The following GPR151 variants were observed in gnomAD, a reference collection of about 807,000 sequenced individuals.
GPR151 encodes the protein G protein-coupled receptor 151, also known as G-protein coupled receptor PGR7.
A neutral mutation model predicts 18.2 loss-of-function variants in GPR151; 16 were observed. The ratio of observed to expected loss-of-function variants is 0.88; its 90% CI spans 0.60 to 1.34. GPR151 has a LOEUF of 1.34. Among genes scored for constraint, GPR151 ranks in the 40% most tolerant of loss-of-function variants. The pLI is 0.00. For synonymous variants in GPR151, 202 were observed against 191.2 expected, an observed-to-expected ratio of 1.06 and a Z score of -0.47; for missense variants, 509 against 504.3, an observed-to-expected ratio of 1.01 and a Z score of -0.09.
rs1196250955 is a variant in GPR151 at position 146,515,514 on chromosome 5, C to T, written c.600G>A (p.Ser200=). Residue 200 remains serine (S), a synonymous_variant, in exon 1 of 1, where the codon TCG becomes TCA. Transcript: ENST00000311104. ...DVPAVAEEFM[S]MFGKLYPLLA... ...GGAGTGGGTAGAGCTTACCAAACATCGACATAAACTCTTCAGCCACAGCTG... is the reference window on the plus strand; with the variant it reads ...GGAGTGGGTAGAGCTTACCAAACATTGACATAAACTCTTCAGCCACAGCTG... The T allele has an allele frequency of 4.3e-6, 7 of 1,614,022 alleles. No homozygotes were observed. The highest frequency in any genetic ancestry group is 2.2e-5 in the East Asian group (1 of 44,886).
At position 146,514,067 on chromosome 5, in the gene GPR151, A is replaced by AT. The variant is rs1428945632; in HGVS notation, c.*786dup. On this transcript the variant is annotated 3_prime_UTR_variant, in exon 1 of 1. Coordinates refer to ENST00000311104, the MANE Select transcript of GPR151 (RefSeq NM_194251.3). ...CACATTTTGGAAGTGAAGAGAGGAC[A>AT]TTTTTTTAAGTATTTTTTCCCCCAT... 1 of 132,744 alleles carries AT rather than the reference A, an allele frequency of 7.5e-6. No homozygotes were observed. The highest frequency in any genetic ancestry group is 2.5e-5 in the African/African-American group (1 of 40,050). 8.2% of individuals were successfully genotyped at this position (132,744 alleles called of 1,614,324 possible).
Position 146,515,252 on chromosome 5 carries a change from T to G in GPR151, c.862A>C (p.Ile288Leu). Residue 288 changes from isoleucine (I) to leucine (L), a missense_variant, in exon 1 of 1, where the codon ATA becomes CTA. Ile to Leu is a conservative substitution (Grantham distance 5, BLOSUM62 2). Transcript: ENST00000311104. ...AAGPAPPQGFIALSQVLMFSI... is the reference protein window; with the variant it reads ...AAGPAPPQGFLALSQVLMFSI... ...AACATCAAGACTTGAGACAGGGCTA[T>G]GAAACCTTGTGGTGGGGCCGGGCCT... 6.2e-7 allele frequency: 1 copy of G among 1,614,158 alleles called. No individual in the cohort carries two copies. The highest frequency in any genetic ancestry group is 8.5e-7 in the Non-Finnish European group (1 of 1,180,038).
rs959015671 is a variant in GPR151 at position 146,513,881 on chromosome 5, A to T, written c.*973T>A. ...AGTAGGGTTCAAGTTCAATGTTCTG[A>T]GTAAGGGTAAGTTTAGTACCATTAA... is the stretch of plus-strand genomic sequence containing the variant. On this transcript the variant is annotated 3_prime_UTR_variant, in exon 1 of 1. Transcript: ENST00000311104. 7 of 152,218 alleles carry T rather than the reference A, an allele frequency of 4.6e-5. No individual in the cohort carries two copies. The highest frequency in any genetic ancestry group is 6.5e-5 in the Admixed American group (1 of 15,286). The allele number at this position is 152,218 out of a possible 1,614,324, so 9.4% of individuals were successfully genotyped here.
chr5:146,514,986 C>T lies in GPR151; in HGVS notation c.1128G>A (p.Glu376=). 1 of 1,614,210 alleles carries T rather than the reference C, an allele frequency of 6.2e-7. No homozygotes were observed. Among genetic ancestry groups the T allele is most frequent in the Non-Finnish European group, 8.5e-7 (1 of 1,180,028 alleles). ...SSPSSGKGKT[E]KAEIPILPDV... ...CAGGAAGGATGGGAATCTCTGCCTT[C>T]TCAGTTTTCCCTTTGCCAGAGGAGG... The change falls in exon 1 of 1, where the codon GAG becomes GAA. Residue 376 remains glutamate, a synonymous_variant. Coordinates refer to ENST00000311104, the MANE Select transcript of GPR151 (RefSeq NM_194251.3).
Position 146,515,848 on chromosome 5 carries a change from A to T in GPR151, c.266T>A (p.Leu89Gln). 6.2e-7 allele frequency: 1 copy of T among 1,614,194 alleles called. No homozygotes were observed. The highest frequency in any genetic ancestry group is 8.5e-7 in the Non-Finnish European group (1 of 1,180,028). ...NLSLADLSLLLFSAPIRATAY... is the reference protein window; with the variant it reads ...NLSLADLSLLQFSAPIRATAY... ...CGTAGCTCGGATAGGTGCAGAAAAC[A>T]GCAGGAGGGAGAGATCAGCCAGGCT... is the stretch of plus-strand genomic sequence containing the variant. The change falls in exon 1 of 1, where the codon CTG becomes CAG. Residue 89 changes from leucine to glutamine, a missense_variant. Physicochemically the swap from Leu to Gln is moderately radical, Grantham distance 113. Transcript: ENST00000311104.
rs1356910436 is a variant in GPR151, at chr5:146,514,495, T to C, written c.*359A>G. 2 of 182,528 alleles carry C rather than the reference T, an allele frequency of 1.1e-5. No homozygotes were observed. The highest frequency in any genetic ancestry group is 2.3e-5 in the Non-Finnish European group (2 of 88,128). The allele number at this position is 182,528 out of a possible 1,614,324, so 11.3% of individuals were successfully genotyped here. A position where few individuals can be genotyped will look rare whatever the true frequency, so the allele number is the denominator to read the frequency against. The stretch of plus-strand genomic sequence containing the variant: ...GAAACTGAAGGTAAAGGGGCTCAGC[T>C]TTGACAGAACCTCTACTGCAGGCTC... On this transcript the variant is annotated 3_prime_UTR_variant, in exon 1 of 1. Coordinates refer to ENST00000311104, the MANE Select transcript of GPR151 (RefSeq NM_194251.3).
rs756942272 is a variant in GPR151 at position 146,515,420 on chromosome 5, G to C, written c.694C>G (p.Arg232Gly). 3.1e-6 allele frequency: 5 copies of C among 1,613,988 alleles called. No homozygotes were observed. In the African/African-American group the frequency reaches 6.7e-5, roughly 22 times the overall value. Residue 232 changes from arginine to glycine, a missense_variant, in exon 1 of 1, where the codon CGA (arginine) becomes GGA (glycine). Physicochemically the swap from Arg to Gly is moderately radical, Grantham distance 125. Transcript: ENST00000311104. ...FWRAYDQCKK[R>G]GTKTQNLRNQ... ...CTAAGATTTTGAGTCTTAGTTCCTC[G>C]TTTTTTACATTGGTCATAAGCTCTC...
rs1441541828 is a variant in GPR151, at chr5:146,515,368, G to A, written c.746C>T (p.Thr249Ile). Reference protein sequence around the residue: ...LRNQIRSKQVTVMLLSIAIIS... With the variant: ...LRNQIRSKQVIVMLLSIAIIS... ...GATGGCAATGCTCAGCAGCATCACT[G>A]TGACTTGCTTTGAGCGTATCTGGTT... Residue 249 changes from threonine to isoleucine, a missense_variant, in exon 1 of 1, where the codon ACA becomes ATA. By Grantham distance (89) the Thr-to-Ile change is moderately conservative. Coordinates refer to ENST00000311104, the MANE Select transcript of GPR151 (RefSeq NM_194251.3). 6.2e-7 allele frequency: 1 copy of A among 1,614,212 alleles called. No individual in the cohort carries two copies. Among genetic ancestry groups the A allele is most frequent in the East Asian group, 2.2e-5 (1 of 44,876 alleles).
rs759982727 is a variant in GPR151, at chr5:146,515,254, A to G, written c.860T>C (p.Phe287Ser). The change falls in exon 1 of 1, where the codon TTC (phenylalanine) becomes TCC (serine). Residue 287 changes from phenylalanine (F) to serine (S), a missense_variant. By Grantham distance (155) the Phe-to-Ser change is radical. Transcript: ENST00000311104. ...KAAGPAPPQG[F>S]IALSQVLMFS... ...CATCAAGACTTGAGACAGGGCTATG[A>G]AACCTTGTGGTGGGGCCGGGCCTGC... 6.2e-7 allele frequency: 1 copy of G among 1,614,198 alleles called. No individual in the cohort carries two copies. The highest frequency in any genetic ancestry group is 1.7e-5 in the Admixed American group (1 of 60,022).
At position 146,514,719 on chromosome 5, in the gene GPR151, G is replaced by C. The variant is rs1408209450; in HGVS notation, c.*135C>G. 7.9e-6 allele frequency: 5 copies of C among 636,180 alleles called. No homozygotes were observed. In the African/African-American group the frequency reaches 9.1e-5, roughly 12 times the overall value. The allele number at this position is 636,180 out of a possible 1,614,324, so 39.4% of individuals were successfully genotyped here. ...CTCTACTTACCACATTGCACATTTG[G>C]AAAGTGTAGATTGTGAAATATTTTT... On this transcript the variant is annotated 3_prime_UTR_variant, in exon 1 of 1. Transcript: ENST00000311104.
Position 146,515,581 on chromosome 5 carries a change from A to T in GPR151, c.533T>A (p.Ile178Asn), listed in dbSNP as rs1201705528. 1 of 1,614,042 alleles carries T rather than the reference A, an allele frequency of 6.2e-7. No individual in the cohort carries two copies. Among genetic ancestry groups the T allele is most frequent in the South Asian group, 1.1e-5 (1 of 91,076 alleles). The change falls in exon 1 of 1, where the codon ATC (isoleucine) becomes AAC (asparagine). Residue 178 changes from isoleucine (I) to asparagine (N), a missense_variant. Physicochemically the swap from Ile to Asn is moderately radical, Grantham distance 149. Transcript: ENST00000311104. ...CATTTCCACACCTTCATGATGCCTG[A>T]TGGTGCTAAAGAACCATTCCGGCAG... is the stretch of plus-strand genomic sequence containing the variant. The part of the protein sequence containing the change: ...LPLPEWFFST[I>N]RHHEGVEMCL...
Position 146,516,075 on chromosome 5 carries a change from G to A in GPR151, c.39C>T (p.Ser13=). 1.2e-6 allele frequency: 2 copies of A among 1,613,836 alleles called. No homozygotes were observed. The highest frequency in any genetic ancestry group is 2.2e-5 in the East Asian group (1 of 44,876). Residue 13 remains serine (S), a synonymous_variant, in exon 1 of 1, where the codon AGC becomes AGT. Coordinates refer to ENST00000311104, the MANE Select transcript of GPR151 (RefSeq NM_194251.3). ...GGAGGTGAGCAAAGGACACATTCAT[G>A]CTGCTGGAGTTAGAGTCTGCAAAGG... ...AAAFADSNSS[S]MNVSFAHLHF...
rs993434507 is a variant in GPR151 at position 146,514,973 on chromosome 5, G to A, written c.1141C>T (p.Pro381Ser). 9.3e-6 allele frequency: 15 copies of A among 1,614,146 alleles called. No homozygotes were observed. Among genetic ancestry groups the A allele is most frequent in the Admixed American group, 1.7e-5 (1 of 60,022 alleles). ...AACTGCTCTACGTCAGGAAGGATGGGAATCTCTGCCTTCTCAGTTTTCCCT... is the reference window on the plus strand; with the variant it reads ...AACTGCTCTACGTCAGGAAGGATGGAAATCTCTGCCTTCTCAGTTTTCCCT... Reference protein sequence around the residue: ...GKGKTEKAEIPILPDVEQFWH... With the variant: ...GKGKTEKAEISILPDVEQFWH... The change falls in exon 1 of 1, where the codon CCC becomes TCC. Residue 381 changes from proline (P) to serine (S), a missense_variant. By Grantham distance (74) the Pro-to-Ser change is moderately conservative. Coordinates refer to ENST00000311104, the MANE Select transcript of GPR151 (RefSeq NM_194251.3).
In GPR151 at chr5:146,516,012, G is replaced by C. The variant is rs769041020; in HGVS notation, c.102C>G (p.Asp34Glu). The C allele has an allele frequency of 9.3e-6, 15 of 1,613,970 alleles. No individual in the cohort carries two copies. The Admixed American group carries it at 2.3e-4, about 25-fold the overall frequency. Reference sequence around the variant, plus strand: ...AGAGAGCCGGGATGATGGTTCTCCAGTCCTGGGAATCAGAGGGCAGGTACC... The same window carrying C: ...AGAGAGCCGGGATGATGGTTCTCCACTCCTGGGAATCAGAGGGCAGGTACC... ...AGGYLPSDSQ[D>E]WRTIIPALLV... Residue 34 changes from aspartate (D) to glutamate (E), a missense_variant, in exon 1 of 1, where the codon GAC (aspartate) becomes GAG (glutamate). Physicochemically the swap from Asp to Glu is conservative, Grantham distance 45. Transcript: ENST00000311104.
In GPR151 at chr5:146,515,812, T is replaced by A. The variant is rs376414436; in HGVS notation, c.302A>T (p.Lys101Ile). Residue 101 changes from lysine (K) to isoleucine (I), a missense_variant, in exon 1 of 1, where the codon AAA becomes ATA. Physicochemically the swap from Lys to Ile is moderately radical, Grantham distance 102. Coordinates refer to ENST00000311104, the MANE Select transcript of GPR151 (RefSeq NM_194251.3). ...SAPIRATAYS[K>I]SVWDLGWFVC... ...AAACCAGCCTAGATCCCAAACACTT[T>A]TGGAGTACGCCGTAGCTCGGATAGG... 12 of 1,614,020 alleles carry A rather than the reference T, an allele frequency of 7.4e-6. No homozygotes were observed. Among genetic ancestry groups the A allele is most frequent in the Admixed American group, 6.7e-5 (4 of 59,984 alleles).
Position 146,513,997 on chromosome 5 carries a change from G to A in GPR151, c.*857C>T, listed in dbSNP as rs1289982030. On this transcript the variant is annotated 3_prime_UTR_variant, in exon 1 of 1. Coordinates refer to ENST00000311104, the MANE Select transcript of GPR151 (RefSeq NM_194251.3). The stretch of plus-strand genomic sequence containing the variant: ...CCATGGTTTATCTTGGGAGAAAGGA[G>A]ATATTAGGAGGAACACATTTCTGCT... The A allele has an allele frequency of 6.6e-6, 1 of 152,166 alleles. No homozygotes were observed. The highest frequency in any genetic ancestry group is 1.5e-5 in the Non-Finnish European group (1 of 68,018). 9.4% of individuals were successfully genotyped at this position (152,166 alleles called of 1,614,324 possible). A position where few individuals can be genotyped will look rare whatever the true frequency, so the allele number is the denominator to read the frequency against.
At position 146,513,184 on chromosome 5, in the gene GPR151, TACATATAATGA is replaced by T. The variant is rs1450544628; in HGVS notation, c.*1659_*1669del. On this transcript the variant is annotated 3_prime_UTR_variant, in exon 1 of 1. Coordinates refer to ENST00000311104, the MANE Select transcript of GPR151 (RefSeq NM_194251.3). ...CTGGAAGCTTACATCCTAAATTTAC[TACATATAATGA>T]ACATAAAAATTATTTATTCAAATAA... is the stretch of plus-strand genomic sequence containing the variant. 1 of 152,216 alleles carries T rather than the reference TACATATAATGA, an allele frequency of 6.6e-6. No homozygotes were observed. The highest frequency in any genetic ancestry group is 2.4e-5 in the African/African-American group (1 of 41,462). 9.4% of individuals were successfully genotyped at this position (152,216 alleles called of 1,614,324 possible). A position where few individuals can be genotyped will look rare whatever the true frequency, so the allele number is the denominator to read the frequency against.
rs2150970316 is a variant in GPR151, at chr5:146,514,604, T to C, written c.*250A>G. 1 of 418,992 alleles carries C rather than the reference T, an allele frequency of 2.4e-6. No homozygotes were observed. The highest frequency in any genetic ancestry group is 4.2e-6 in the Non-Finnish European group (1 of 237,448). 26.0% of individuals were successfully genotyped at this position (418,992 alleles called of 1,614,324 possible). ...ATGACAGAATAGCCAGGCTGTCTAA[T>C]CACTTTGACAGCAACATCTTTACAC... On this transcript the variant is annotated 3_prime_UTR_variant, in exon 1 of 1. Coordinates refer to ENST00000311104, the MANE Select transcript of GPR151 (RefSeq NM_194251.3).
rs762019412 is a variant in GPR151, at chr5:146,514,808, C to T, written c.*46G>A. On this transcript the variant is annotated 3_prime_UTR_variant, in exon 1 of 1. Transcript: ENST00000311104. ...TCAGCAATATTGATAAGCAGCAGTA[C>T]AAGTAAATACAATAATCACAGTTTG... 25 of 1,253,420 alleles carry T rather than the reference C, an allele frequency of 2.0e-5. No homozygotes were observed. Among genetic ancestry groups the T allele is most frequent in the Non-Finnish European group, 2.8e-5 (25 of 901,210 alleles). The allele number at this position is 1,253,420 out of a possible 1,614,324, so 77.6% of individuals were successfully genotyped here. A position where few individuals can be genotyped will look rare whatever the true frequency, so the allele number is the denominator to read the frequency against.
Sources: gnomAD v4.1 joint callset for allele counts on GRCh38, gnomAD v4.1.1 for gene constraint, MANE v1.5 for transcripts, NCBI Gene and HGNC (gene_info 2026-07-23, HGNC 2026-07-21) for gene names.